Variants in KCNAB1 observed in about 807,000 individuals in gnomAD.
KCNAB1 encodes potassium voltage-gated channel subfamily A regulatory beta subunit 1, also known as voltage-gated potassium channel subunit beta-1.
A neutral mutation model predicts 64.6 loss-of-function variants in KCNAB1; 35 were observed. The observed-to-expected ratio is 0.54, with a 90% confidence interval of 0.41 to 0.72. The LOEUF (loss-of-function observed/expected upper bound fraction) is 0.72. Among genes scored for constraint, KCNAB1 ranks in the 30% least tolerant of loss-of-function variants. The pLI is 0.00. For synonymous variants in KCNAB1, 177 were observed against 183.8 expected (o/e 0.96, Z 0.30); for missense variants, 401 against 512.9 (o/e 0.78, Z 2.11).
At chr3:156,169,264 G>A (rs1191046825) in intron 1 of KCNAB1, among the ~76,000 whole-genome samples, 3 of 152,106 alleles carry the variant, frequency 2.0e-5, no homozygotes, top group Non-Finnish European at 4.4e-5. Flanking sequence ...CTTTATCTAC[G>A]GGGGTTATTA....
At chr3:156,296,894 G>T (rs542980630) in intron 1 of KCNAB1, among the ~76,000 whole-genome samples, 1 of 152,284 alleles carries the variant, frequency 6.6e-6, no homozygotes, top group African/African-American at 2.4e-5. Context: ...AATTTCTCCA[G>T]TGGTTAAGCA....
chr3:156,318,468 G>C (rs964870036), intron 1 of KCNAB1, among the ~76,000 whole-genome samples: 1 of 152,032 alleles, frequency 6.6e-6, no homozygotes, highest in African/African-American at 2.4e-5. Flanking sequence ...TGCTTTGTTG[G>C]AATATGGACC....
chr3:156,233,318 A>G (rs1201812350), intron 1 of KCNAB1, among the ~76,000 whole-genome samples: 1 of 152,210 alleles, frequency 6.6e-6, no homozygotes, highest in Non-Finnish European at 1.5e-5. Context: ...GCAAGTGTAA[A>G]TAGGGCTGTC....
intron 1 of KCNAB1, among the ~76,000 whole-genome samples, chr3:156,246,561 C>T (rs1717465599): frequency 1.4e-5 from 2 of 148,074 alleles, no homozygotes; most frequent in South Asian, 4.2e-4. Context: ...CAAGATCATG[C>T]TACTGCACTC....
intron 1 of KCNAB1, among the ~76,000 whole-genome samples, chr3:156,123,894 C>T (rs1713495582): frequency 6.6e-6 from 1 of 152,052 alleles, no homozygotes; most frequent in Non-Finnish European, 1.5e-5. Flanking sequence ...AGTTTGAAAA[C>T]AGGAAAATAT....
Position 156,478,088 on chromosome 3 carries a change from G to A in KCNAB1, c.658+3268G>A, listed in dbSNP as rs571268917. ...TGTTAGTTAATGATATTCTATTGGC[G>A]TTAATTAATTATTCAATTTATTTTT... On this transcript the variant is annotated intron_variant, in intron 8 of 13. Transcript: ENST00000490337. 9.9e-5 allele frequency among the ~76,000 whole-genome samples: 15 copies of A among 152,048 alleles called. No homozygotes were observed. In the South Asian group the frequency reaches 1.7e-3, roughly 17 times the overall value.
chr3:156,421,134 T>C (rs1370173589), intron 1 of KCNAB1, among the ~76,000 whole-genome samples: 3 of 152,178 alleles, frequency 2.0e-5, no homozygotes, highest in Non-Finnish European at 4.4e-5. Flanking sequence ...AAGTCAAAAA[T>C]ATTTATTAAG....
chr3:156,509,802 G>A (rs1291823654), intron 8 of KCNAB1, among the ~76,000 whole-genome samples: 1 of 152,162 alleles, frequency 6.6e-6, no homozygotes, highest in South Asian at 2.1e-4. Flanking sequence ...ACTCAGAATT[G>A]TTATTCTGCC....
At chr3:156,272,451 C>T (rs1409182871) in intron 1 of KCNAB1, among the ~76,000 whole-genome samples, 1 of 152,102 alleles carries the variant, frequency 6.6e-6, no homozygotes, top group Non-Finnish European at 1.5e-5. Context: ...CTTCCCTCCC[C>T]TTTCCCCAGG....
At chr3:156,438,976 T>G (rs930893246) in intron 2 of KCNAB1, among the ~76,000 whole-genome samples, 1 of 151,590 alleles carries the variant, frequency 6.6e-6, no homozygotes, top group African/African-American at 2.4e-5. Flanking sequence ...GTTGTGCCAT[T>G]GCACTCCAGT....
At chr3:156,306,764 G>A (rs1380934488) in intron 1 of KCNAB1, among the ~76,000 whole-genome samples, 1 of 152,206 alleles carries the variant, frequency 6.6e-6, no homozygotes, top group East Asian at 1.9e-4. Context: ...CCAGCTAGGG[G>A]TTTCCAACCT....
At chr3:156,242,503 A>T (rs1346009235) in intron 1 of KCNAB1, among the ~76,000 whole-genome samples, 2 of 151,906 alleles carry the variant, frequency 1.3e-5, no homozygotes, top group Non-Finnish European at 2.9e-5. Context: ...TAGTTGTCGT[A>T]TATCCTCTCT....
intron 1 of KCNAB1, among the ~76,000 whole-genome samples, chr3:156,203,436 C>G (rs966358146): frequency 1.3e-5 from 2 of 152,122 alleles, no homozygotes; most frequent in African/African-American, 4.8e-5. Flanking sequence ...AGCTCCAGCC[C>G]ACATTATTAA....
chr3:156,133,577 C>G (rs1714122969), intron 1 of KCNAB1, among the ~76,000 whole-genome samples: 1 of 152,206 alleles, frequency 6.6e-6, no homozygotes, highest in Non-Finnish European at 1.5e-5. Flanking sequence ...TCTGAGGATA[C>G]AGGGATGCAG....
intron 1 of KCNAB1, among the ~76,000 whole-genome samples, chr3:156,283,788 A>G (rs1719898502): frequency 6.6e-6 from 1 of 152,072 alleles, no homozygotes; most frequent in South Asian, 2.1e-4. Context: ...TTCTTCACGT[A>G]GTTCTGGAGC....
intron 1 of KCNAB1, among the ~76,000 whole-genome samples, chr3:156,391,677 G>T (rs1342319738): frequency 3.3e-5 from 5 of 152,160 alleles, no homozygotes; most frequent in Admixed American, 3.3e-4. Context: ...AAAATAAAAC[G>T]AAGTAGAAAG....
At chr3:156,292,555 T>G (rs1299554764) in intron 1 of KCNAB1, among the ~76,000 whole-genome samples, 1 of 152,224 alleles carries the variant, frequency 6.6e-6, no homozygotes, top group Non-Finnish European at 1.5e-5. Context: ...TTGTTTTGTT[T>G]GAGACAGAGT....
At chr3:156,526,132 G>A (rs750885869) in intron 12 of KCNAB1, among the ~76,000 whole-genome samples, 30 of 152,064 alleles carry the variant, frequency 2.0e-4, no homozygotes, top group Non-Finnish European at 3.1e-4. Flanking sequence ...TGTTACAGCC[G>A]CCTATAGTAT....
chr3:156,492,186 G>C (rs1004983579), intron 8 of KCNAB1, among the ~76,000 whole-genome samples: 3 of 152,096 alleles, frequency 2.0e-5, no homozygotes, highest in Admixed American at 6.6e-5. Context: ...AAAAATAAAA[G>C]TGAATTGAGC....
Sources: gnomAD v4.1 joint callset for allele counts (sites outside exome capture counted in the v4.1 genomes callset) on GRCh38, gnomAD v4.1.1 for gene constraint, MANE v1.5 for transcripts, NCBI Gene and HGNC (gene_info 2026-07-23, HGNC 2026-07-21) for gene names.